The following OR9Q1 variants were observed in gnomAD, a reference collection of about 807,000 sequenced individuals.
OR9Q1 encodes olfactory receptor 9Q1.
For synonymous variants in OR9Q1, 153 were observed against 148.6 expected, an observed-to-expected ratio of 1.03 and a Z score of -0.22; for missense variants, 374 against 378.8, an observed-to-expected ratio of 0.99 and a Z score of 0.11.
chr11:58,025,213 C>T (rs542497207), intron 1 of OR9Q1, among the ~76,000 whole-genome samples: 82 of 152,226 alleles, frequency 5.4e-4, no homozygotes, highest in African/African-American at 1.9e-3. Context: ...CTTGCCCTGT[C>T]GCCAGGCTGG....
At chr11:58,107,496 T>C (rs1248967243) in intron 2 of OR9Q1, among the ~76,000 whole-genome samples, 1 of 152,236 alleles carries the variant, frequency 6.6e-6, no homozygotes. Context: ...CACATTTTCT[T>C]AATCCAGTCT....
At chr11:58,055,977 T>C (rs1041954615) in intron 2 of OR9Q1, 30 bp downstream of exon 2, 1 of 152,256 alleles carries the variant, frequency 6.6e-6, no homozygotes, top group Non-Finnish European at 1.5e-5. Flanking sequence ...TATTTATAAG[T>C]TACCCAGTCT....
At chr11:58,094,460 A>G (rs1371198990) in intron 2 of OR9Q1, among the ~76,000 whole-genome samples, 1 of 152,202 alleles carries the variant, frequency 6.6e-6, no homozygotes, top group Non-Finnish European at 1.5e-5. Context: ...AAATACATCT[A>G]CAACAAAACA....
chr11:58,140,868 G>A lies in OR9Q1; in HGVS notation c.-14-38563G>A, dbSNP rs1034121291. Among the ~76,000 whole-genome samples the A allele has an allele frequency of 4.3e-4, 65 of 152,234 alleles. 1 individual carries two copies. The highest frequency in any genetic ancestry group is 1.5e-3 in the African/African-American group (62 of 41,532). ...TGGGGATGGCATTGAATCTATAAAT[G>A]ACCTTGGGCAGTATGGCCATTTTCA... is the stretch of plus-strand genomic sequence containing the variant. On this transcript the variant is annotated intron_variant, in intron 2 of 2. Transcript: ENST00000335397.
chr11:58,104,064 T>G (rs894962350), intron 2 of OR9Q1, among the ~76,000 whole-genome samples: 1 of 152,178 alleles, frequency 6.6e-6, no homozygotes, highest in Non-Finnish European at 1.5e-5. Flanking sequence ...CAGATTTCAT[T>G]CAAACATGCA....
intron 1 of OR9Q1, among the ~76,000 whole-genome samples, chr11:58,034,209 C>T (rs1426973884): frequency 6.6e-6 from 1 of 151,286 alleles, no homozygotes; most frequent in African/African-American, 2.4e-5. Context: ...CTTCAGTCTC[C>T]CGAGTAGCTA....
rs1853428569 is a variant in OR9Q1, at chr11:58,066,250, A to AT, written c.-15+10304dup. Among the ~76,000 whole-genome samples the AT allele has an allele frequency of 6.6e-5, 10 of 152,256 alleles. No individual in the cohort carries two copies. In the South Asian group the frequency reaches 2.1e-3, roughly 32 times the overall value. On this transcript the variant is annotated intron_variant, in intron 2 of 2. Coordinates refer to ENST00000335397, the MANE Select transcript of OR9Q1 (RefSeq NM_001005212.4). ...GTAAGGGGTCGCAGCCCGGATGAAC[A>AT]TATCTCCTTTGGTGGAGAAGGTGTC...
chr11:58,134,847 T>A (rs1256384545), intron 2 of OR9Q1, among the ~76,000 whole-genome samples: 2 of 152,200 alleles, frequency 1.3e-5, no homozygotes, highest in Non-Finnish European at 2.9e-5. Flanking sequence ...TCAATTGACC[T>A]TTCTGATTCT....
intron 2 of OR9Q1, among the ~76,000 whole-genome samples, chr11:58,170,214 C>T (rs1284616007): frequency 1.3e-5 from 2 of 152,094 alleles, no homozygotes; most frequent in Non-Finnish European, 1.5e-5. Flanking sequence ...CATTTACAGA[C>T]CCCCTCACTC....
chr11:58,059,880 G>A (rs945863824), intron 2 of OR9Q1: 5 of 151,988 alleles, frequency 3.3e-5, no homozygotes, highest in African/African-American at 1.2e-4. Context: ...TAAATGATAG[G>A]TTACATTACC....
Position 58,095,198 on chromosome 11 carries a change from T to C in OR9Q1, c.-15+39251T>C, listed in dbSNP as rs140927644. ...CTTTTTAGTTCTTGTTTTCTGCACA[T>C]TTTTCATTTATACCTAAAAGCCTGC... On this transcript the variant is annotated intron_variant, in intron 2 of 2. Coordinates refer to ENST00000335397, the MANE Select transcript of OR9Q1 (RefSeq NM_001005212.4). Among the ~76,000 whole-genome samples, 11 of 152,344 alleles carry C rather than the reference T, an allele frequency of 7.2e-5. No homozygotes were observed. The East Asian group carries it at 2.1e-3, about 29-fold the overall frequency.
At chr11:58,146,901 C>T (rs1854304088) in intron 2 of OR9Q1, among the ~76,000 whole-genome samples, 1 of 152,188 alleles carries the variant, frequency 6.6e-6, no homozygotes, top group Non-Finnish European at 1.5e-5. Flanking sequence ...GAAACTGTCA[C>T]AGAGCCTTGC....
Position 58,177,210 on chromosome 11 carries a change from A to C in OR9Q1, c.-14-2221A>C, listed in dbSNP as rs560835866. On this transcript the variant is annotated intron_variant, in intron 2 of 2. Transcript: ENST00000335397. Reference sequence around the variant, plus strand: ...TCTATCAGTCTTCAGATATTAATAGACTGCAGAGCTGGTATTTATGTTTGT... The same window carrying C: ...TCTATCAGTCTTCAGATATTAATAGCCTGCAGAGCTGGTATTTATGTTTGT... Among the ~76,000 whole-genome samples the C allele has an allele frequency of 5.9e-5, 9 of 152,326 alleles. No homozygotes were observed. The East Asian group carries it at 1.7e-3, about 29-fold the overall frequency.
intron 2 of OR9Q1, chr11:58,119,244 G>T: frequency 6.2e-7 from 1 of 1,613,990 alleles, no homozygotes; most frequent in South Asian, 1.1e-5. Flanking sequence ...CATCCAGCAG[G>T]GAGAGGTGGC....
intron 2 of OR9Q1, among the ~76,000 whole-genome samples, chr11:58,139,671 T>A (rs1363460752): frequency 1.3e-5 from 2 of 152,130 alleles, no homozygotes; most frequent in Non-Finnish European, 2.9e-5. Flanking sequence ...ATTTTCTTAA[T>A]CCAGTCTATC....
intron 1 of OR9Q1, among the ~76,000 whole-genome samples, chr11:58,035,511 A>C (rs1853092971): frequency 6.6e-6 from 1 of 152,218 alleles, no homozygotes; most frequent in Admixed American, 6.5e-5. Flanking sequence ...GTATTTCTTT[A>C]CATGTAGGTA....
intron 2 of OR9Q1, among the ~76,000 whole-genome samples, chr11:58,090,295 G>A (rs1299775063): frequency 2.0e-5 from 3 of 152,098 alleles, no homozygotes; most frequent in Non-Finnish European, 4.4e-5. Flanking sequence ...GTCATAAATA[G>A]CTCTTATTAT....
chr11:58,070,075 C>A (rs1485264018), intron 2 of OR9Q1, among the ~76,000 whole-genome samples: 1 of 151,868 alleles, frequency 6.6e-6, no homozygotes, highest in Non-Finnish European at 1.5e-5. Context: ...CATCTCGGCT[C>A]ACTGCAACCT....
chr11:58,170,201 T>C (rs1324756675), intron 2 of OR9Q1, among the ~76,000 whole-genome samples: 1 of 152,164 alleles, frequency 6.6e-6, no homozygotes, highest in Non-Finnish European at 1.5e-5. Context: ...CGAGGACTTG[T>C]ATCATTTACA....
Sources: allele counts gnomAD v4.1 joint callset (sites outside exome capture counted in the v4.1 genomes callset), GRCh38; gene constraint gnomAD v4.1.1; transcripts MANE v1.5; gene names NCBI Gene and HGNC (gene_info 2026-07-23, HGNC 2026-07-21).